Variants in R3HDM2 observed in about 807,000 individuals in gnomAD.
R3HDM2 encodes R3H domain containing 2.
R3HDM2 carries 38 observed loss-of-function variants against 124.5 expected under a neutral mutation model. That is an observed-to-expected ratio of 0.31 (90% confidence interval 0.24 to 0.40). R3HDM2 has a LOEUF of 0.40. Among genes scored for constraint, R3HDM2 ranks in the 10% least tolerant of loss-of-function variants. The pLI, the probability that R3HDM2 is intolerant of heterozygous loss-of-function variation, is 1.00. For synonymous variants in R3HDM2, 391 were observed against 448.0 expected (o/e 0.87, Z 1.61); for missense variants, 869 against 1,236.9 (o/e 0.70, Z 4.46).
intron 2 of R3HDM2, among the ~76,000 whole-genome samples, chr12:57,371,083 C>CT (rs775839017): frequency 0.036 from 1,472 of 40,818 alleles, 161 homozygotes; most frequent in East Asian, 0.18. Flanking sequence ...TATACCATTA[C>CT]TTTTTTTTTT....
chr12:57,288,949 TA>T (rs1166153424), intron 12 of R3HDM2, 59 bp downstream of exon 12: 1 of 1,548,750 alleles, frequency 6.5e-7, no homozygotes, highest in South Asian at 1.2e-5. Flanking sequence ...ATTACAGGAT[TA>T]TATTAACCTC....
chr12:57,299,952 T>G, intron 5 of R3HDM2, 143 bp downstream of exon 5: 1 of 677,470 alleles, frequency 1.5e-6, no homozygotes, highest in Non-Finnish European at 2.6e-6. Flanking sequence ...GGAGAGACCA[T>G]GCCCTGTTTT....
chr12:57,257,955 A>G (rs1210189203), intron 21 of R3HDM2, 35 bp downstream of exon 21: 1 of 1,436,958 alleles, frequency 7.0e-7, no homozygotes, highest in Non-Finnish European at 9.3e-7. Flanking sequence ...TGAAAGGTGA[A>G]TTCCATAGCA....
At chr12:57,379,473 G>A (rs563634220) in intron 2 of R3HDM2, among the ~76,000 whole-genome samples, 9 of 152,164 alleles carry the variant, frequency 5.9e-5, no homozygotes, top group African/African-American at 1.9e-4. Context: ...CCAGCTACTC[G>A]GGAGGCTGAG....
At position 57,254,595 on chromosome 12, in the gene R3HDM2, G is replaced by A. The variant is rs2038350757; in HGVS notation, c.*178C>T. Reference sequence around the variant, plus strand: ...AAAAGAGAGGACCCATGGCAGGGGAGCAAGAAGGAGTCCAATGCCAGTGTA... The same window carrying A: ...AAAAGAGAGGACCCATGGCAGGGGAACAAGAAGGAGTCCAATGCCAGTGTA... On this transcript the variant is annotated 3_prime_UTR_variant, in exon 24 of 24. Transcript: ENST00000402412. The A allele has an allele frequency of 5.2e-6, 3 of 578,678 alleles. No homozygotes were observed. The highest frequency in any genetic ancestry group is 4.5e-4 in the Middle Eastern group (1 of 2,222). The allele number at this position is 578,678 out of a possible 1,614,324, so 35.8% of individuals were successfully genotyped here. A position where few individuals can be genotyped will look rare whatever the true frequency, so the allele number is the denominator to read the frequency against.
In R3HDM2 at chr12:57,386,332, C is replaced by G. The variant is rs1013261003; in HGVS notation, c.-36+9417G>C. On this transcript the variant is annotated intron_variant, in intron 2 of 23. Transcript: ENST00000402412. ...TGGACGGAGAGGCACGGGCGGGAACCGAGGCTGCCCATGGCGCTTGCGGGC... is the reference window on the plus strand; with the variant it reads ...TGGACGGAGAGGCACGGGCGGGAACGGAGGCTGCCCATGGCGCTTGCGGGC... 4.6e-5 allele frequency among the ~76,000 whole-genome samples: 7 copies of G among 152,332 alleles called. No individual in the cohort carries two copies. The East Asian group carries it at 1.4e-3, about 29-fold the overall frequency.
At position 57,283,931 on chromosome 12, in the gene R3HDM2, C is replaced by T. The variant is rs951799221; in HGVS notation, c.1064G>A (p.Arg355Gln). Residue 355 changes from arginine (R) to glutamine (Q), a missense_variant, in exon 13 of 24, where the codon CGA becomes CAA. This residue lies in a region of R3HDM2 where 267 missense variants were observed against 447.7 expected (regional missense o/e 0.60). Transcript: ENST00000402412. The stretch of plus-strand genomic sequence containing the variant: ...GCTGCTAGCTTTGGTGACAGGGGGT[C>T]GCATGCTCCGGACAGAGCCATCAGA... ...TDSDGSVRSMRPPVTKASSFS... is the reference protein window; with the variant it reads ...TDSDGSVRSMQPPVTKASSFS... The T allele has an allele frequency of 9.3e-6, 15 of 1,613,962 alleles. No homozygotes were observed. The highest frequency in any genetic ancestry group is 3.3e-4 in the Middle Eastern group (2 of 6,084).
intron 2 of R3HDM2, among the ~76,000 whole-genome samples, chr12:57,386,506 G>C (rs534381274): frequency 1.3e-5 from 2 of 152,352 alleles, no homozygotes; most frequent in African/African-American, 2.4e-5. Flanking sequence ...GCCTCCCCTC[G>C]GGGCAGGGCT....
chr12:57,390,031 C>T (rs890995750), intron 2 of R3HDM2, among the ~76,000 whole-genome samples: 2 of 151,712 alleles, frequency 1.3e-5, no homozygotes, highest in African/African-American at 2.4e-5. Flanking sequence ...TTCAAGAATT[C>T]GAGAAACAAA....
At chr12:57,312,305 ATTTT>A (rs201583405) in intron 2 of R3HDM2, among the ~76,000 whole-genome samples, 8 of 133,070 alleles carry the variant, frequency 6.0e-5, no homozygotes, top group African/African-American at 1.9e-4. Flanking sequence ...CTGCTTTGTG[ATTTT>A]TTTTTTTTTT....
chr12:57,289,130 G>A (rs763396108), intron 11 of R3HDM2, 90 bp from the exon 12 acceptor site: 37 of 1,321,934 alleles, frequency 2.8e-5, no homozygotes, highest in East Asian at 7.5e-5. Context: ...GAATACCCAA[G>A]GTCCTCAAAC....
intron 1 of R3HDM2, among the ~76,000 whole-genome samples, chr12:57,420,979 C>T (rs990911589): frequency 2.0e-5 from 3 of 151,940 alleles, no homozygotes; most frequent in Admixed American, 6.6e-5. Flanking sequence ...ATCTTTTGTT[C>T]CCAAACGTGC....
At chr12:57,372,126 C>G (rs1445929712) in intron 2 of R3HDM2, among the ~76,000 whole-genome samples, 1 of 152,182 alleles carries the variant, frequency 6.6e-6, no homozygotes. Context: ...CTTGGACTCT[C>G]AAAGTGCTGG....
intron 2 of R3HDM2, among the ~76,000 whole-genome samples, chr12:57,313,863 A>G (rs2054458060): frequency 6.9e-6 from 1 of 145,246 alleles, no homozygotes; most frequent in African/African-American, 2.6e-5. Context: ...CCTGGGTGAC[A>G]AAGCAAGATC....
At chr12:57,306,375 A>T (rs569584724) in intron 3 of R3HDM2, among the ~76,000 whole-genome samples, 2 of 151,598 alleles carry the variant, frequency 1.3e-5, no homozygotes, top group Non-Finnish European at 2.9e-5. Context: ...ACAAGTTTAA[A>T]GGCAGAAAGC....
At chr12:57,297,243 G>A (rs891139270) in intron 8 of R3HDM2, 85 bp downstream of exon 8, 1 of 715,390 alleles carries the variant, frequency 1.4e-6, no homozygotes, top group Non-Finnish European at 2.4e-6. Flanking sequence ...CACACTTCAA[G>A]GGGAACATCT....
At chr12:57,400,780 G>A (rs1410398590) in intron 1 of R3HDM2, among the ~76,000 whole-genome samples, 2 of 152,034 alleles carry the variant, frequency 1.3e-5, no homozygotes, top group South Asian at 2.1e-4. Context: ...TGGAAACAGA[G>A]CCCATAAAAG....
At chr12:57,377,103 T>TAAATAAATAAATAAAG (rs1186751434) in intron 2 of R3HDM2, among the ~76,000 whole-genome samples, 1 of 121,694 alleles carries the variant, frequency 8.2e-6, no homozygotes, top group Admixed American at 1.0e-4. Context: ...AATAAATAAA[T>TAAATAAATAAATAAAG]AAAAGAGACT....
chr12:57,296,564 C>A lies in R3HDM2; in HGVS notation c.561-13G>T, dbSNP rs776305207. The A allele has an allele frequency of 7.1e-6, 11 of 1,541,740 alleles. No homozygotes were observed. The highest frequency in any genetic ancestry group is 8.8e-6 in the Non-Finnish European group (10 of 1,142,064). ...CTTGAACTGATTACTGAAGGGAAAC[C>A]CGGGGAAAAAAAGTGAAATAAGACA... On this transcript the variant is annotated splice_polypyrimidine_tract_variant and intron_variant, in intron 8 of 23. Coordinates refer to ENST00000402412, the MANE Select transcript of R3HDM2 (RefSeq NM_001394031.1). This position sits in a 1 kb window ranked among gnomAD's most constrained non-coding sequence, Gnocchi z 4.5.
Sources: allele counts gnomAD v4.1 joint callset (sites outside exome capture counted in the v4.1 genomes callset), GRCh38; gene constraint gnomAD v4.1.1; regional missense constraint gnomAD v4.1.1; non-coding constraint Gnocchi (gnomAD v3.1); transcripts MANE v1.5; gene names NCBI Gene and HGNC (gene_info 2026-07-23, HGNC 2026-07-21).